SLX4IP: variants seen among roughly 807,000 people sequenced by gnomAD.
SLX4IP encodes protein SLX4IP.
A neutral mutation model predicts 32.9 loss-of-function variants in SLX4IP; 34 were observed. The ratio of observed to expected loss-of-function variants is 1.03; its 90% CI spans 0.79 to 1.38. SLX4IP has a LOEUF of 1.38. Ranked by LOEUF, SLX4IP falls within the 40% of genes most tolerant of loss-of-function variation. The probability of loss-of-function intolerance (pLI) is 0.00; values close to 1 mark genes in which losing one functional copy is unlikely to be tolerated. For synonymous variants in SLX4IP, 172 were observed against 171.7 expected, an observed-to-expected ratio of 1.00 and a Z score of -0.01; for missense variants, 444 against 479.0, an observed-to-expected ratio of 0.93 and a Z score of 0.68.
rs2067145690 is a variant in SLX4IP at position 10,623,975 on chromosome 20, C to CTAAT, written c.*597_*600dup. 6.5e-6 allele frequency: 1 copy of CTAAT among 153,138 alleles called. No individual in the cohort carries two copies. The highest frequency in any genetic ancestry group is 2.4e-5 in the African/African-American group (1 of 41,456). 9.5% of individuals were successfully genotyped at this position (153,138 alleles called of 1,614,324 possible). ...ATGCTCGCGTTTGAGAACCACTGGA[C>CTAAT]TAATAGAACACTCCCCAGTGCTTCC... On this transcript the variant is annotated 3_prime_UTR_variant, in exon 8 of 8. Coordinates refer to ENST00000334534, the MANE Select transcript of SLX4IP (RefSeq NM_001009608.3).
At chr20:10,471,734 G>A (rs2065426524) in intron 2 of SLX4IP, among the ~76,000 whole-genome samples, 7 of 152,122 alleles carry the variant, frequency 4.6e-5, no homozygotes, top group Admixed American at 4.6e-4. Flanking sequence ...AATCCAGCTG[G>A]GCAGTTTTTC....
intron 2 of SLX4IP, among the ~76,000 whole-genome samples, chr20:10,524,237 C>T (rs117965274): frequency 1.1e-4 from 17 of 152,302 alleles, no homozygotes; most frequent in Admixed American, 3.9e-4. Context: ...AGGGATGGCT[C>T]GCAAAACTCC....
intron 2 of SLX4IP, among the ~76,000 whole-genome samples, chr20:10,533,176 A>G (rs1222336624): frequency 1.3e-5 from 2 of 152,188 alleles, no homozygotes; most frequent in East Asian, 3.9e-4. Flanking sequence ...CAAATAAAAC[A>G]GAGATCCACT....
At chr20:10,479,828 AC>A (rs2065506884) in intron 2 of SLX4IP, among the ~76,000 whole-genome samples, 1 of 149,650 alleles carries the variant, frequency 6.7e-6, no homozygotes, top group Non-Finnish European at 1.5e-5. Context: ...ATGTGGTGAA[AC>A]CCCGCCTCTA....
intron 2 of SLX4IP, among the ~76,000 whole-genome samples, chr20:10,462,961 G>A (rs982951754): frequency 6.6e-6 from 1 of 152,202 alleles, no homozygotes; most frequent in Non-Finnish European, 1.5e-5. Flanking sequence ...GCATATGCCT[G>A]TAGTCCCAGC....
At chr20:10,460,597 T>G (rs1269184795) in intron 2 of SLX4IP, among the ~76,000 whole-genome samples, 2 of 152,200 alleles carry the variant, frequency 1.3e-5, no homozygotes, top group African/African-American at 4.8e-5. Context: ...GGGTAGCATC[T>G]TAAGACTTGC....
intron 2 of SLX4IP, among the ~76,000 whole-genome samples, chr20:10,555,102 G>A (rs1180386589): frequency 1.3e-5 from 2 of 151,698 alleles, no homozygotes; most frequent in East Asian, 1.9e-4. Context: ...TATAGCGTGA[G>A]GTAGGTGTCA....
intron 6 of SLX4IP, among the ~76,000 whole-genome samples, chr20:10,606,988 G>A (rs1367423438): frequency 6.6e-6 from 1 of 151,984 alleles, no homozygotes; most frequent in Non-Finnish European, 1.5e-5. Flanking sequence ...TCAGAATTGT[G>A]TTTTCTGTAA....
intron 2 of SLX4IP, among the ~76,000 whole-genome samples, chr20:10,523,694 A>G (rs2065918310): frequency 6.6e-6 from 1 of 152,250 alleles, no homozygotes; most frequent in South Asian, 2.1e-4. Flanking sequence ...GAATGAATGA[A>G]TAATTTATTG....
At chr20:10,622,068 G>A (rs1212206366) in intron 7 of SLX4IP, among the ~76,000 whole-genome samples, 4 of 152,164 alleles carry the variant, frequency 2.6e-5, no homozygotes, top group South Asian at 2.1e-4. Context: ...TGTCTTCCAC[G>A]ATTGTATTTT....
intron 2 of SLX4IP, among the ~76,000 whole-genome samples, chr20:10,482,173 G>T (rs921395884): frequency 6.6e-6 from 1 of 152,076 alleles, no homozygotes; most frequent in African/African-American, 2.4e-5. Flanking sequence ...ATTTTACTTT[G>T]GTCATAAAAC....
intron 2 of SLX4IP, among the ~76,000 whole-genome samples, chr20:10,518,127 C>T (rs934102493): frequency 2.0e-5 from 3 of 152,142 alleles, no homozygotes; most frequent in South Asian, 2.1e-4. Flanking sequence ...CGCTTACCTA[C>T]GTAACAAACC....
intron 2 of SLX4IP, among the ~76,000 whole-genome samples, chr20:10,535,751 A>G (rs1695075722): frequency 6.6e-6 from 1 of 152,220 alleles, no homozygotes; most frequent in Non-Finnish European, 1.5e-5. Context: ...TTCATGCTCC[A>G]TCCTCACCCC....
chr20:10,502,997 T>C (rs1044990394), intron 2 of SLX4IP, among the ~76,000 whole-genome samples: 2 of 152,178 alleles, frequency 1.3e-5, no homozygotes, highest in Non-Finnish European at 2.9e-5. Flanking sequence ...TTTCTTGCTA[T>C]TTGACCTTGA....
intron 2 of SLX4IP, among the ~76,000 whole-genome samples, chr20:10,539,022 CT>C (rs1255487818): frequency 4.6e-5 from 7 of 152,206 alleles, no homozygotes; most frequent in African/African-American, 1.7e-4. Context: ...AATTTAGTGT[CT>C]TTTTATCTCA....
chr20:10,616,192 A>T (rs564058736), intron 6 of SLX4IP, among the ~76,000 whole-genome samples: 1 of 152,114 alleles, frequency 6.6e-6, no homozygotes, highest in African/African-American at 2.4e-5. Flanking sequence ...CCATCAGCAC[A>T]TTGTGTTGGG....
chr20:10,594,981 C>T (rs902507089), intron 4 of SLX4IP, among the ~76,000 whole-genome samples: 3 of 151,926 alleles, frequency 2.0e-5, no homozygotes, highest in African/African-American at 7.3e-5. Flanking sequence ...AACAAGTAAT[C>T]ATTTGAGGCT....
intron 2 of SLX4IP, among the ~76,000 whole-genome samples, chr20:10,491,306 C>A (rs1434521506): frequency 6.6e-6 from 1 of 152,156 alleles, no homozygotes; most frequent in Non-Finnish European, 1.5e-5. Context: ...TTTATATTTT[C>A]TCCTATTTCT....
At chr20:10,618,187 C>T (rs946973291) in intron 6 of SLX4IP, among the ~76,000 whole-genome samples, 14 of 152,168 alleles carry the variant, frequency 9.2e-5, no homozygotes, top group African/African-American at 2.7e-4. Flanking sequence ...CTGTCTTCAT[C>T]CTTGGGGTAC....
Sources: gnomAD v4.1 joint callset for allele counts (sites outside exome capture counted in the v4.1 genomes callset) on GRCh38, gnomAD v4.1.1 for gene constraint, MANE v1.5 for transcripts, NCBI Gene and HGNC (gene_info 2026-07-23, HGNC 2026-07-21) for gene names.